The following METTL15 variants were observed in gnomAD, a reference collection of about 807,000 sequenced individuals.
METTL15 encodes the protein methyltransferase 15, mitochondrial 12S rRNA N4-cytidine.
METTL15 carries 34 observed loss-of-function variants against 38.3 expected under a neutral mutation model. The ratio of observed to expected loss-of-function variants is 0.89; its 90% CI spans 0.68 to 1.18. The LOEUF (loss-of-function observed/expected upper bound fraction) is 1.18, where lower values mean the gene tolerates loss of function less well. METTL15 is among the 50% of genes most tolerant of loss of function. The pLI is 0.00. For missense variants in METTL15, 438 were observed against 498.4 expected (o/e 0.88, Z 1.15); for synonymous variants, 162 against 170.9 (o/e 0.95, Z 0.41).
chr11:28,420,529 C>A (rs2133420684), intron 5 of METTL15, among the ~76,000 whole-genome samples: 1 of 152,086 alleles, frequency 6.6e-6, no homozygotes, highest in South Asian at 2.1e-4. Context: ...TCTTCTCTGA[C>A]CACAATGGAA....
At chr11:28,174,705 C>G (rs185055335) in intron 3 of METTL15, among the ~76,000 whole-genome samples, 1,746 of 151,276 alleles carry the variant, frequency 0.012, 22 homozygotes, top group Non-Finnish European at 0.018. Context: ...GTCCCAGCTA[C>G]TCAGGAGGCT....
At chr11:28,429,965 C>T (rs1199779690) in intron 6 of METTL15, among the ~76,000 whole-genome samples, 48 of 127,746 alleles carry the variant, frequency 3.8e-4, no homozygotes, top group Non-Finnish European at 6.3e-4. Context: ...CGTCTCTGCC[C>T]GGCCGCCCAT....
rs1565097602 is a variant in METTL15 at position 28,110,407 on chromosome 11, G to C, written c.-18+6G>C. 1 of 152,268 alleles carries C rather than the reference G, an allele frequency of 6.6e-6. No homozygotes were observed. Among genetic ancestry groups the C allele is most frequent in the Non-Finnish European group, 1.5e-5 (1 of 68,086 alleles). The allele number at this position is 152,268 out of a possible 1,614,324, so 9.4% of individuals were successfully genotyped here. ...GAGAAGTCTTCGTGCTTCAGGTGAG[G>C]AGAAGGGGACCGAGTCCCGGGAACT... On this transcript the variant is annotated splice_donor_region_variant and intron_variant, in intron 2 of 6. Coordinates refer to ENST00000407364, the MANE Select transcript of METTL15 (RefSeq NM_001113528.2).
chr11:28,346,779 A>G (rs1288439498), intron 3 of METTL15, among the ~76,000 whole-genome samples: 1 of 152,210 alleles, frequency 6.6e-6, no homozygotes, highest in Non-Finnish European at 1.5e-5. Flanking sequence ...ACTAACCAGC[A>G]TGTGTTTCGT....
At position 28,332,951 on chromosome 11, in the gene METTL15, AAAGG is replaced by A. The variant is rs1262937831; in HGVS notation, c.*2114_*2117del. 1 of 117,850 alleles carries A rather than the reference AAAGG, an allele frequency of 8.5e-6. No homozygotes were observed. The highest frequency in any genetic ancestry group is 1.7e-5 in the Non-Finnish European group (1 of 58,904). The allele number at this position is 117,850 out of a possible 1,614,324, so 7.3% of individuals were successfully genotyped here. A position where few individuals can be genotyped will look rare whatever the true frequency, so the allele number is the denominator to read the frequency against. Reference sequence around the variant, plus strand: ...GACTCTGTCTCAAAAAAAAAAAAAAAAAGGAAGAAAGAGAAGATAGAGACACAGG... The same window carrying A: ...GACTCTGTCTCAAAAAAAAAAAAAAAAAGAAAGAGAAGATAGAGACACAGG... On this transcript the variant is annotated 3_prime_UTR_variant, in exon 7 of 7. Transcript: ENST00000407364.
chr11:28,254,625 T>C (rs1854896133), intron 4 of METTL15, among the ~76,000 whole-genome samples: 1 of 152,172 alleles, frequency 6.6e-6, no homozygotes. Context: ...AGGTCTTAGG[T>C]TTAAGTCTTT....
At chr11:28,471,324 G>A (rs1315396042) in intron 6 of METTL15, among the ~76,000 whole-genome samples, 1 of 152,138 alleles carries the variant, frequency 6.6e-6, no homozygotes, top group African/African-American at 2.4e-5. Flanking sequence ...CCAGATTCAA[G>A]GGGAAAGGAT....
At chr11:28,531,650 T>G (rs968458057), downstream of METTL15, among the ~76,000 whole-genome samples, 4 of 152,094 alleles carry the variant, frequency 2.6e-5, no homozygotes, top group South Asian at 2.1e-4. Context: ...GATTAAATGC[T>G]TATTAAAATA....
chr11:28,374,607 G>T (rs1173142331), intron 5 of METTL15, among the ~76,000 whole-genome samples: 1 of 138,766 alleles, frequency 7.2e-6, no homozygotes, highest in Non-Finnish European at 1.6e-5. Context: ...CATGTCATCT[G>T]CAAACAGGGA....
intron 3 of METTL15, chr11:28,134,532 A>T: frequency 2.5e-6 from 1 of 398,434 alleles, no homozygotes; most frequent in Non-Finnish European, 4.4e-6. Context: ...AACCCCTTTC[A>T]TTCCCTCCTT....
At chr11:28,130,292 CAG>C (rs1852704579) in intron 3 of METTL15, among the ~76,000 whole-genome samples, 2 of 152,108 alleles carry the variant, frequency 1.3e-5, no homozygotes. Flanking sequence ...GCCTGGGTGA[CAG>C]AGTGAGACCT....
At position 28,328,586 on chromosome 11, in the gene METTL15, A is replaced by G. The variant is rs150565130; in HGVS notation, c.779-1810A>G. 3.2e-4 allele frequency among the ~76,000 whole-genome samples: 48 copies of G among 152,230 alleles called. 1 individual carries two copies. Among genetic ancestry groups the G allele is most frequent in the Non-Finnish European group, 4.6e-4 (31 of 67,950 alleles). ...TCTGTACTAGAAACACTACTTCTCT[A>G]TGGGATAATACTCTTCAGGAGCATG... On this transcript the variant is annotated intron_variant, in intron 6 of 6. Coordinates refer to ENST00000407364, the MANE Select transcript of METTL15 (RefSeq NM_001113528.2).
In METTL15 at chr11:28,110,327, A is replaced by G. The variant is rs1327831372; in HGVS notation, c.-92A>G. On this transcript the variant is annotated 5_prime_UTR_variant, in exon 2 of 7. Transcript: ENST00000407364. ...GGGGCAGGACCTAGACGCGCGGCGC[A>G]TTCAGGTTCTCCTGGACCGTAGTGG... 1.1e-4 allele frequency: 16 copies of G among 152,200 alleles called. 1 individual carries two copies. The highest frequency in any genetic ancestry group is 1.0e-3 in the Admixed American group (16 of 15,284). The allele number at this position is 152,200 out of a possible 1,614,324, so 9.4% of individuals were successfully genotyped here.
At chr11:28,400,376 G>C (rs1000526906) in intron 5 of METTL15, among the ~76,000 whole-genome samples, 1 of 151,910 alleles carries the variant, frequency 6.6e-6, no homozygotes, top group African/African-American at 2.4e-5. Context: ...ATGGAGGGGA[G>C]ATATGACACC....
intron 6 of METTL15, among the ~76,000 whole-genome samples, chr11:28,424,936 G>A (rs1398110370): frequency 6.6e-6 from 1 of 152,202 alleles, no homozygotes; most frequent in Non-Finnish European, 1.5e-5. Flanking sequence ...GTGGTTGGTT[G>A]TAGAAGACTT....
intron 4 of METTL15, among the ~76,000 whole-genome samples, chr11:28,217,965 T>C (rs1418150825): frequency 6.6e-6 from 1 of 152,184 alleles, no homozygotes; most frequent in Admixed American, 6.5e-5. Context: ...ACTGTAGCCT[T>C]GTAGTGTAGT....
chr11:28,446,248 G>A (rs1851074201), intron 6 of METTL15, among the ~76,000 whole-genome samples: 1 of 152,022 alleles, frequency 6.6e-6, no homozygotes, highest in Non-Finnish European at 1.5e-5. Flanking sequence ...GGTCACCAAG[G>A]CCATCTGCTT....
intron 6 of METTL15, among the ~76,000 whole-genome samples, chr11:28,455,980 A>G (rs1021634806): frequency 3.9e-5 from 6 of 152,188 alleles, no homozygotes; most frequent in Admixed American, 2.6e-4. Context: ...TGCTGGGATT[A>G]CAGGCATGAG....
chr11:28,264,693 AC>A (rs902534541), intron 4 of METTL15, among the ~76,000 whole-genome samples: 5 of 152,022 alleles, frequency 3.3e-5, no homozygotes, highest in Non-Finnish European at 7.4e-5. Context: ...TCCTTTTTGT[AC>A]CCTCTTCACA....
Sources: gnomAD v4.1 joint callset for allele counts (sites outside exome capture counted in the v4.1 genomes callset) on GRCh38, gnomAD v4.1.1 for gene constraint, MANE v1.5 for transcripts, NCBI Gene and HGNC (gene_info 2026-07-23, HGNC 2026-07-21) for gene names.